The following ADAM18 variants were observed in gnomAD, a reference collection of about 807,000 sequenced individuals.
The protein encoded by ADAM18 is ADAM metallopeptidase domain 18, also known as disintegrin and metalloproteinase domain-containing protein 18.
Under a neutral mutation model 94.4 loss-of-function variants are expected in ADAM18, and 117 were observed. The ratio of observed to expected loss-of-function variants is 1.24; its 90% CI spans 1.07 to 1.45. The LOEUF is 1.45. ADAM18 is among the 40% of genes most tolerant of loss of function. The pLI is 0.00. For missense variants in ADAM18, 936 were observed against 880.0 expected (o/e 1.06, Z -0.81); for synonymous variants, 327 against 291.6 (o/e 1.12, Z -1.24).
intron 16 of ADAM18, among the ~76,000 whole-genome samples, chr8:39,680,952 T>C (rs1469966662): frequency 6.6e-6 from 1 of 152,228 alleles, no homozygotes; most frequent in African/African-American, 2.4e-5. Context: ...TCAGCAACCC[T>C]AATCCCTTGA....
At chr8:39,724,344 G>GT (rs1043205300) in intron 19 of ADAM18, among the ~76,000 whole-genome samples, 88 of 151,812 alleles carry the variant, frequency 5.8e-4, no homozygotes, top group African/African-American at 2.1e-3. Context: ...TGTATAATTT[G>GT]TTACACAAAG....
intron 2 of ADAM18, among the ~76,000 whole-genome samples, chr8:39,598,767 CAAA>C: frequency 9.4e-6 from 1 of 106,330 alleles, no homozygotes. Flanking sequence ...GACTCCGTCT[CAAA>C]AAAAAAAAAA....
intron 16 of ADAM18, among the ~76,000 whole-genome samples, chr8:39,682,184 T>A (rs746406001): frequency 4.6e-5 from 7 of 152,244 alleles, no homozygotes; most frequent in Non-Finnish European, 7.4e-5. Context: ...GCCTCACAGA[T>A]CCTCTACATT....
At chr8:39,594,922 C>T (rs1007498234) in intron 2 of ADAM18, among the ~76,000 whole-genome samples, 1 of 150,038 alleles carries the variant, frequency 6.7e-6, no homozygotes, top group African/African-American at 2.5e-5. Flanking sequence ...CTTGTGAGTA[C>T]CTTTTCAACT....
intron 7 of ADAM18, among the ~76,000 whole-genome samples, chr8:39,634,116 T>C (rs1406709689): frequency 6.6e-6 from 1 of 152,138 alleles, no homozygotes; most frequent in Non-Finnish European, 1.5e-5. Flanking sequence ...ACCTCAGGTC[T>C]AAGATCCTTT....
At chr8:39,724,031 G>T in intron 19 of ADAM18, 124 bp downstream of exon 19, 1 of 660,978 alleles carries the variant, frequency 1.5e-6, no homozygotes, top group Non-Finnish European at 2.2e-6. Context: ...TAATGTAAGT[G>T]GTATCTTTAT....
Position 39,717,419 on chromosome 8 carries a change from C to G in ADAM18, c.2018-6329C>G, listed in dbSNP as rs150504062. ...TTGTCTCTATATTTATCTTTGCCAA[C>G]TAGTTTTATAATTTTTTATCCTGAC... is the stretch of plus-strand genomic sequence containing the variant. On this transcript the variant is annotated intron_variant, in intron 18 of 19. Coordinates refer to ENST00000265707, the MANE Select transcript of ADAM18 (RefSeq NM_014237.3). Among the ~76,000 whole-genome samples, 40 of 151,954 alleles carry G rather than the reference C, an allele frequency of 2.6e-4. 1 individual carries two copies. In the East Asian group the frequency reaches 7.3e-3, roughly 28 times the overall value.
intron 14 of ADAM18, among the ~76,000 whole-genome samples, chr8:39,669,835 T>C (rs970064368): frequency 6.6e-6 from 1 of 152,166 alleles, no homozygotes; most frequent in African/African-American, 2.4e-5. Context: ...TACCCAGTAA[T>C]GGGATGGCTG....
intron 12 of ADAM18, among the ~76,000 whole-genome samples, 192 bp from the exon 13 acceptor site, chr8:39,663,598 CAAAAA>C (rs10597769): frequency 5.1e-5 from 1 of 19,586 alleles, no homozygotes; most frequent in African/African-American, 2.5e-4. Flanking sequence ...AATCCTGTCT[CAAAAA>C]AAAAAAAAAA....
chr8:39,586,115 TATTA>T (rs1288273041), intron 2 of ADAM18, among the ~76,000 whole-genome samples: 6 of 152,202 alleles, frequency 3.9e-5, no homozygotes, highest in Non-Finnish European at 5.9e-5. Flanking sequence ...AAGATTAATC[TATTA>T]ATTCTATTTT....
intron 2 of ADAM18, among the ~76,000 whole-genome samples, chr8:39,586,512 G>A (rs1038703291): frequency 1.1e-4 from 16 of 152,076 alleles, no homozygotes; most frequent in African/African-American, 2.4e-4. Flanking sequence ...TTGGAGGATC[G>A]CTTGAGCCTA....
At chr8:39,702,797 T>C (rs1822124056) in intron 17 of ADAM18, among the ~76,000 whole-genome samples, 1 of 152,282 alleles carries the variant, frequency 6.6e-6, no homozygotes, top group African/African-American at 2.4e-5. Context: ...TAGTTGTCGG[T>C]GTGTGATCTT....
intron 6 of ADAM18, among the ~76,000 whole-genome samples, chr8:39,627,446 G>C (rs911703787): frequency 2.0e-5 from 3 of 152,042 alleles, no homozygotes; most frequent in African/African-American, 7.2e-5. Flanking sequence ...CCATATTTAG[G>C]TGGGGACACA....
chr8:39,614,189 C>G (rs1819365442), intron 6 of ADAM18, among the ~76,000 whole-genome samples: 1 of 152,088 alleles, frequency 6.6e-6, no homozygotes, highest in African/African-American at 2.4e-5. Context: ...ATTCTCCAAA[C>G]TCAATGTGAA....
At chr8:39,674,164 G>A (rs1215548169) in intron 14 of ADAM18, among the ~76,000 whole-genome samples, 1 of 152,058 alleles carries the variant, frequency 6.6e-6, no homozygotes, top group Admixed American at 6.6e-5. Flanking sequence ...CTGAGTTCAG[G>A]TCCTGGATAT....
intron 18 of ADAM18, among the ~76,000 whole-genome samples, chr8:39,715,583 A>G (rs1822545157): frequency 6.6e-6 from 1 of 152,004 alleles, no homozygotes; most frequent in African/African-American, 2.4e-5. Context: ...GAAAAAAGAC[A>G]TAACTTATTA....
chr8:39,656,505 G>T (rs542360200), intron 12 of ADAM18, among the ~76,000 whole-genome samples: 1 of 151,880 alleles, frequency 6.6e-6, no homozygotes, highest in African/African-American at 2.4e-5. Flanking sequence ...AATGTGTAAA[G>T]GTAAAAAAAC....
intron 2 of ADAM18, among the ~76,000 whole-genome samples, chr8:39,586,329 AAGAC>A (rs1818390659): frequency 6.6e-6 from 1 of 152,234 alleles, no homozygotes; most frequent in Non-Finnish European, 1.5e-5. Context: ...TTCTTTTTAA[AAGAC>A]AGAGGATTAA....
At chr8:39,707,523 T>A (rs1822272476) in intron 18 of ADAM18, among the ~76,000 whole-genome samples, 1 of 152,218 alleles carries the variant, frequency 6.6e-6, no homozygotes, top group African/African-American at 2.4e-5. Context: ...GTCTTAACTT[T>A]TGTAGTTTGA....
Sources: allele counts gnomAD v4.1 joint callset (sites outside exome capture counted in the v4.1 genomes callset), GRCh38; gene constraint gnomAD v4.1.1; transcripts MANE v1.5; gene names NCBI Gene and HGNC (gene_info 2026-07-23, HGNC 2026-07-21).